The following RNF19A variants were observed in gnomAD, a reference collection of about 807,000 sequenced individuals.
RNF19A encodes the protein ring finger protein 19A, RBR E3 ubiquitin protein ligase.
Under a neutral mutation model 75.7 loss-of-function variants are expected in RNF19A, and 32 were observed. The observed-to-expected ratio is 0.42, with a 90% CI of 0.32 to 0.57. The LOEUF is 0.57. Ranked by LOEUF, RNF19A falls within the 20% of genes least tolerant of loss-of-function variation. RNF19A has a pLI of 0.10. For missense variants in RNF19A, 782 were observed against 1,036.3 expected, an observed-to-expected ratio of 0.75 and a Z score of 3.37; for synonymous variants, 335 against 345.2, an observed-to-expected ratio of 0.97 and a Z score of 0.33.
At chr8:100,280,507 T>C (rs557957010) in intron 2 of RNF19A, among the ~76,000 whole-genome samples, 2 of 152,304 alleles carry the variant, frequency 1.3e-5, no homozygotes, top group Middle Eastern at 6.8e-3. Flanking sequence ...ATTTTTTAAA[T>C]GGAAAAGGTA....
chr8:100,290,520 T>C (rs1227070717), intron 1 of RNF19A, among the ~76,000 whole-genome samples: 2 of 152,228 alleles, frequency 1.3e-5, no homozygotes, highest in African/African-American at 4.8e-5. Flanking sequence ...TTTTTCCTCC[T>C]ATGGCTGACC....
chr8:100,321,168 CT>C (rs1240605651), intron 1 of RNF19A, among the ~76,000 whole-genome samples: 2 of 152,234 alleles, frequency 1.3e-5, no homozygotes, highest in Non-Finnish European at 2.9e-5. Context: ...CAAAAGATTT[CT>C]CTGTAGCATG....
chr8:100,316,689 C>G (rs1318489394), intron 1 of RNF19A, among the ~76,000 whole-genome samples: 2 of 152,256 alleles, frequency 1.3e-5, no homozygotes, highest in African/African-American at 4.8e-5. Flanking sequence ...CCACCAGACT[C>G]AGGAGCCCAG....
rs1405819465 is a variant in RNF19A, at chr8:100,257,144, T to C, written c.*1412A>G. 3.9e-5 allele frequency: 6 copies of C among 152,542 alleles called. No homozygotes were observed. Among genetic ancestry groups the C allele is most frequent in the African/African-American group, 1.4e-4 (6 of 41,418 alleles). 9.4% of individuals were successfully genotyped at this position (152,542 alleles called of 1,614,324 possible). ...AACAAAATTGGAATGCAAACAAATA[T>C]ACAAATACCATAAGCATTATCAAAT... On this transcript the variant is annotated 3_prime_UTR_variant, in exon 10 of 10. Coordinates refer to ENST00000341084, the MANE Select transcript of RNF19A (RefSeq NM_183419.4).
intron 1 of RNF19A, among the ~76,000 whole-genome samples, chr8:100,320,290 AAAC>A (rs971347611): frequency 6.6e-6 from 1 of 151,960 alleles, no homozygotes; most frequent in South Asian, 2.1e-4. Flanking sequence ...ATTTTTTAAA[AAAC>A]AACAACAACA....
At chr8:100,276,795 T>C (rs558684913) in intron 2 of RNF19A, among the ~76,000 whole-genome samples, 15 of 149,846 alleles carry the variant, frequency 1.0e-4, no homozygotes, top group Non-Finnish European at 2.1e-4. Flanking sequence ...CTGTTCAGTA[T>C]CTTGACTGTG....
chr8:100,271,436 C>T (rs1820248994), intron 3 of RNF19A, among the ~76,000 whole-genome samples: 1 of 152,190 alleles, frequency 6.6e-6, no homozygotes, highest in Admixed American at 6.5e-5. Flanking sequence ...AATGCTAATC[C>T]TATCTGCGTA....
intron 1 of RNF19A, among the ~76,000 whole-genome samples, chr8:100,326,724 A>C (rs1208464014): frequency 1.3e-5 from 2 of 151,744 alleles, no homozygotes; most frequent in Non-Finnish European, 2.9e-5. Flanking sequence ...CCAAGACCTT[A>C]CTCCTTATGG....
intron 1 of RNF19A, among the ~76,000 whole-genome samples, chr8:100,288,878 G>A (rs1225597575): frequency 6.6e-6 from 1 of 152,100 alleles, no homozygotes; most frequent in Non-Finnish European, 1.5e-5. Flanking sequence ...GGATAACACA[G>A]TGAAACCCTG....
chr8:100,260,182 T>G lies in RNF19A; in HGVS notation c.1683-185A>C. On this transcript the variant is annotated intron_variant, in intron 8 of 9. Coordinates refer to ENST00000341084, the MANE Select transcript of RNF19A (RefSeq NM_183419.4). This position sits in a 1 kb window ranked among gnomAD's most constrained non-coding sequence, Gnocchi z 4.1. Reference sequence around the variant, plus strand: ...CACTGCATAGTACCAGCCATCCAAATAAAATGGGGAACATCAGCTGTCTGC... The same window carrying G: ...CACTGCATAGTACCAGCCATCCAAAGAAAATGGGGAACATCAGCTGTCTGC... 3.8e-6 allele frequency: 2 copies of G among 524,010 alleles called. 1 individual carries two copies. The highest frequency in any genetic ancestry group is 6.3e-5 in the South Asian group (2 of 31,642). 32.5% of individuals were successfully genotyped at this position (524,010 alleles called of 1,614,324 possible).
rs765043965 is a variant in RNF19A, at chr8:100,288,080, A to T, written c.95T>A (p.Met32Lys). The T allele has an allele frequency of 6.2e-7, 1 of 1,612,814 alleles. No individual in the cohort carries two copies. Among genetic ancestry groups the T allele is most frequent in the Non-Finnish European group, 8.5e-7 (1 of 1,178,818 alleles). ...TGAACCCATTTGCCGATGTAAACTC[A>T]TGTCTAAAATGCTTGTTAGAATTGA... is the stretch of plus-strand genomic sequence containing the variant. ...PVSILTSILD[M>K]SLHRQMGSDR... The change falls in exon 2 of 10, where the codon ATG (methionine) becomes AAG (lysine). Residue 32 changes from methionine (M) to lysine (K), a missense_variant. By Grantham distance (95) the Met-to-Lys change is moderately conservative (BLOSUM62 -1). Transcript: ENST00000341084.
chr8:100,269,851 C>A lies in RNF19A; in HGVS notation c.1028+18G>T. On this transcript the variant is annotated intron_variant, in intron 4 of 9. Coordinates refer to ENST00000341084, the MANE Select transcript of RNF19A (RefSeq NM_183419.4). This position sits in a 1 kb window ranked among gnomAD's most constrained non-coding sequence, Gnocchi z 5.7. ...TAAAATTACATTTACATATAAATAG[C>A]TCCTTCTATAAGCTTACCTTAGATA... The A allele has an allele frequency of 6.4e-7, 1 of 1,553,448 alleles. No homozygotes were observed.
intron 1 of RNF19A, among the ~76,000 whole-genome samples, chr8:100,305,874 G>A (rs1040654557): frequency 3.3e-5 from 5 of 152,074 alleles, no homozygotes; most frequent in East Asian, 1.9e-4. Context: ...ATACCAATAC[G>A]TGACTTAGAA....
At position 100,319,140 on chromosome 8, in the gene RNF19A, T is replaced by TA. The variant is rs1319268579; in HGVS notation, c.-242-5769_-242-5768insT. Among the ~76,000 whole-genome samples the TA allele has an allele frequency of 2.0e-4, 30 of 152,344 alleles. 1 individual carries two copies. The highest frequency in any genetic ancestry group is 7.0e-4 in the African/African-American group (29 of 41,578). ...ACATGGAGTTTCCAAGACTCAAAGATGGACATTCTATGGATGGTTTACTAA... is the reference window on the plus strand; with the variant it reads ...ACATGGAGTTTCCAAGACTCAAAGATAGGACATTCTATGGATGGTTTACTAA... On this transcript the variant is annotated intron_variant, in intron 1 of 3. Transcript: ENST00000519527.
chr8:100,323,177 C>G lies in RNF19A; in HGVS notation c.-242-9805G>C, dbSNP rs192003241. 5.1e-4 allele frequency among the ~76,000 whole-genome samples: 78 copies of G among 152,226 alleles called. No individual in the cohort carries two copies. Among genetic ancestry groups the G allele is most frequent in the Non-Finnish European group, 7.5e-4 (51 of 68,022 alleles). The stretch of plus-strand genomic sequence containing the variant: ...AATGAGGTAAGCCCATAAATATTAG[C>G]TGTTACCCAGAGTGTTATTTTAAGA... On this transcript the variant is annotated intron_variant, in intron 1 of 3. Transcript: ENST00000519527. The surrounding 1 kb of genome is among the most constrained non-coding windows in gnomAD (Gnocchi z 4.6).
At position 100,269,269 on chromosome 8, in the gene RNF19A, A is replaced by T. The variant is rs1421506404; in HGVS notation, c.1029-322T>A. 6.6e-6 allele frequency among the ~76,000 whole-genome samples: 1 copy of T among 152,010 alleles called. No homozygotes were observed. The highest frequency in any genetic ancestry group is 1.5e-5 in the Non-Finnish European group (1 of 67,968). ...CCTTAAGTCAGTTTAATAGTAAATTAATGCAAAACATGCATATTTTTAGGC... is the reference window on the plus strand; with the variant it reads ...CCTTAAGTCAGTTTAATAGTAAATTTATGCAAAACATGCATATTTTTAGGC... On this transcript the variant is annotated intron_variant, in intron 4 of 9. Coordinates refer to ENST00000341084, the MANE Select transcript of RNF19A (RefSeq NM_183419.4). This position sits in a 1 kb window ranked among gnomAD's most constrained non-coding sequence, Gnocchi z 5.7.
Position 100,287,258 on chromosome 8 carries a change from A to T in RNF19A, c.674+243T>A, listed in dbSNP as rs1428546087. Among the ~76,000 whole-genome samples the T allele has an allele frequency of 1.3e-5, 2 of 152,162 alleles. No homozygotes were observed. Among genetic ancestry groups the T allele is most frequent in the Non-Finnish European group, 2.9e-5 (2 of 68,032 alleles). On this transcript the variant is annotated intron_variant, in intron 2 of 9. Transcript: ENST00000341084. This position sits in a 1 kb window ranked among gnomAD's most constrained non-coding sequence, Gnocchi z 4.1. ...TGTATACAACTAGATCCTGTACTCTACCACCTTACCCTTTCCTTCTAAAAG... is the reference window on the plus strand; with the variant it reads ...TGTATACAACTAGATCCTGTACTCTTCCACCTTACCCTTTCCTTCTAAAAG...
Position 100,283,232 on chromosome 8 carries a change from A to AAACATGGCCTTAGCCAACTGT in RNF19A, c.674+4268_674+4269insACAGTTGGCTAAGGCCATGTT, listed in dbSNP as rs1181104261. On this transcript the variant is annotated intron_variant, in intron 2 of 9. Transcript: ENST00000341084. ...GTAGCAGGGTGGCCTTAGCCAACTG[A>AAACATGGCCTTAGCCAACTGT]AACAGGTGATAGAAACTAAAACAAC... 1.4e-4 allele frequency among the ~76,000 whole-genome samples: 21 copies of AAACATGGCCTTAGCCAACTGT among 152,328 alleles called. 1 individual carries two copies. The highest frequency in any genetic ancestry group is 1.0e-3 in the Admixed American group (16 of 15,296).
chr8:100,323,037 C>T lies in RNF19A; in HGVS notation c.-242-9665G>A, dbSNP rs547895511. Among the ~76,000 whole-genome samples, 43 of 151,908 alleles carry T rather than the reference C, an allele frequency of 2.8e-4. No homozygotes were observed. The highest frequency in any genetic ancestry group is 8.9e-4 in the African/African-American group (37 of 41,388). On this transcript the variant is annotated intron_variant, in intron 1 of 3. Coordinates refer to the RNF19A transcript ENST00000519527. The surrounding 1 kb of genome is among the most constrained non-coding windows in gnomAD (Gnocchi z 4.6). ...GAGGCATGAAATGAGCACAGGCTGC[C>T]GAAAAATGTTGCCAATAGACTCGCT...
Sources: gnomAD v4.1 joint callset for allele counts (sites outside exome capture counted in the v4.1 genomes callset) on GRCh38, gnomAD v4.1.1 for gene constraint, Gnocchi (gnomAD v3.1) non-coding constraint, MANE v1.5 for transcripts, NCBI Gene and HGNC (gene_info 2026-07-23, HGNC 2026-07-21) for gene names.